Variants in GDNF observed in about 807,000 individuals in gnomAD.
GDNF encodes the protein glial cell line-derived neurotrophic factor.
In GDNF, 5 loss-of-function variants were observed where a neutral mutation model predicts 13.7. That is an observed-to-expected ratio of 0.36 (90% CI 0.19 to 0.77). The LOEUF (loss-of-function observed/expected upper bound fraction) is 0.77. GDNF is among the 30% of genes least tolerant of loss of function. The pLI is 0.51. For synonymous variants in GDNF, 122 were observed against 112.5 expected (o/e 1.08, Z -0.53); for missense variants, 246 against 274.3 (o/e 0.90, Z 0.73).
At position 37,821,308 on chromosome 5, in the gene GDNF, C is replaced by T. The variant is rs572276169; in HGVS notation, c.152-5173G>A. Among the ~76,000 whole-genome samples the T allele has an allele frequency of 3.9e-5, 6 of 152,222 alleles. No individual in the cohort carries two copies. In the East Asian group the frequency reaches 1.2e-3, roughly 29 times the overall value. ...GAGGGGTCTGGGTTTGGATTCGTTC[C>T]CTAAATTAAGACTTACTGGCGCATC... On this transcript the variant is annotated intron_variant, in intron 2 of 2. Coordinates refer to ENST00000326524, the MANE Select transcript of GDNF (RefSeq NM_000514.4).
intron 2 of GDNF, among the ~76,000 whole-genome samples, chr5:37,825,694 C>T (rs1013787727): frequency 1.3e-5 from 2 of 152,194 alleles, no homozygotes; most frequent in African/African-American, 2.4e-5. Flanking sequence ...GCCCTGCCCC[C>T]AGCCTGAGAG....
rs757008724 is a variant in GDNF at position 37,814,959 on chromosome 5, A to G, written c.*692T>C. The G allele has an allele frequency of 6.5e-6, 1 of 152,980 alleles. No homozygotes were observed. The highest frequency in any genetic ancestry group is 1.5e-5 in the Non-Finnish European group (1 of 68,642). 9.5% of individuals were successfully genotyped at this position (152,980 alleles called of 1,614,324 possible). A position where few individuals can be genotyped will look rare whatever the true frequency, so the allele number is the denominator to read the frequency against. On this transcript the variant is annotated 3_prime_UTR_variant, in exon 3 of 3. Transcript: ENST00000326524. ...AATACCTTCAGGTTTGTGTTTAATC[A>G]TGAGCACAGCCTTTTTGGTTCCTAG...
intron 2 of GDNF, among the ~76,000 whole-genome samples, chr5:37,829,207 C>G (rs1016317432): frequency 2.0e-5 from 3 of 152,218 alleles, no homozygotes; most frequent in African/African-American, 4.8e-5. Flanking sequence ...CTGTCCCTTC[C>G]CCACATCATG....
At position 37,816,127 on chromosome 5, in the gene GDNF, G is replaced by T; in HGVS notation, c.160C>A (p.Pro54Thr). 1 of 1,613,282 alleles carries T rather than the reference G, an allele frequency of 6.2e-7. No individual in the cohort carries two copies. Among genetic ancestry groups the T allele is most frequent in the Non-Finnish European group, 8.5e-7 (1 of 1,179,348 alleles). ...PFALSSDSNM[P>T]EDYPDQFDDV... is the part of the protein sequence containing the mutation. ...TCGAACTGATCAGGATAATCCTCTG[G>T]CATATTTGCTGTTCAAAAAGAAAAG... The change falls in exon 3 of 3, where the codon CCA (proline) becomes ACA (threonine). Residue 54 changes from proline (P) to threonine (T), a missense_variant. Transcript: ENST00000326524.
chr5:37,835,937 A>G (rs1750687909), intron 1 of GDNF: 2 of 496,032 alleles, frequency 4.0e-6, no homozygotes, highest in Non-Finnish European at 7.3e-6. Flanking sequence ...TCACACCCCT[A>G]CAAAGGAGGG....
intron 2 of GDNF, among the ~76,000 whole-genome samples, chr5:37,824,679 A>G (rs1750244903): frequency 6.6e-6 from 1 of 152,232 alleles, no homozygotes; most frequent in Admixed American, 6.5e-5. Flanking sequence ...TGCATCTTAC[A>G]TTATGTAATG....
intron 2 of GDNF, among the ~76,000 whole-genome samples, chr5:37,833,757 A>G (rs1750603537): frequency 6.6e-6 from 1 of 152,138 alleles, no homozygotes; most frequent in Admixed American, 6.5e-5. Context: ...GGTTGTGTGA[A>G]ATTTTCTATT....
rs1167288905 is a variant in GDNF, at chr5:37,837,315, C to T, written c.-27+2192G>A. Among the ~76,000 whole-genome samples the T allele has an allele frequency of 1.3e-5, 2 of 152,234 alleles. No homozygotes were observed. The highest frequency in any genetic ancestry group is 4.8e-5 in the African/African-American group (2 of 41,482). On this transcript the variant is annotated intron_variant, in intron 1 of 2. Coordinates refer to ENST00000326524, the MANE Select transcript of GDNF (RefSeq NM_000514.4). The surrounding 1 kb of genome is among the most constrained non-coding windows in gnomAD (Gnocchi z 6.5). ...TTTACGCGCCGCCACGTGCGAGAAC[C>T]AAGCTCTGCTCCTCAAGTGACGGGG...
chr5:37,817,306 A>G (rs72745200), intron 2 of GDNF, among the ~76,000 whole-genome samples: 6,254 of 152,318 alleles, frequency 0.041, 130 homozygotes, highest in Non-Finnish European at 0.052. Context: ...GGGGGGAAAA[A>G]CAATCCAAAC....
At chr5:37,832,152 C>T (rs1484349563) in intron 2 of GDNF, among the ~76,000 whole-genome samples, 1 of 152,190 alleles carries the variant, frequency 6.6e-6, no homozygotes, top group Non-Finnish European at 1.5e-5. Context: ...CGCAGAATGA[C>T]GTTAATGTGG....
intron 2 of GDNF, among the ~76,000 whole-genome samples, chr5:37,817,471 G>GA (rs1315896809): frequency 6.6e-6 from 1 of 152,074 alleles, no homozygotes; most frequent in Non-Finnish European, 1.5e-5. Context: ...TTAAAGCATA[G>GA]AAAGATTACA....
Position 37,815,625 on chromosome 5 carries a change from A to G in GDNF, c.*26T>C. 1 of 1,608,372 alleles carries G rather than the reference A, an allele frequency of 6.2e-7. No homozygotes were observed. The highest frequency in any genetic ancestry group is 8.5e-7 in the Non-Finnish European group (1 of 1,174,838). Reference sequence around the variant, plus strand: ...TTCTTTGCACTGTAGCAGGAATGCAATACACAGCAGTCTCTGGAGCCGGAG... The same window carrying G: ...TTCTTTGCACTGTAGCAGGAATGCAGTACACAGCAGTCTCTGGAGCCGGAG... On this transcript the variant is annotated 3_prime_UTR_variant, in exon 3 of 3. Coordinates refer to ENST00000326524, the MANE Select transcript of GDNF (RefSeq NM_000514.4). The surrounding 1 kb of genome is among the most constrained non-coding windows in gnomAD (Gnocchi z 5.0).
At chr5:37,835,551 C>T in intron 1 of GDNF, 3 of 1,475,664 alleles carry the variant, frequency 2.0e-6, no homozygotes, top group Non-Finnish European at 2.8e-6. Flanking sequence ...AAATACTCCT[C>T]CCACCTCTTA....
At chr5:37,821,673 A>G (rs1302701555) in intron 2 of GDNF, among the ~76,000 whole-genome samples, 1 of 152,188 alleles carries the variant, frequency 6.6e-6, no homozygotes, top group Non-Finnish European at 1.5e-5. Context: ...GAAACCTTGT[A>G]CCGGGGCACA....
intron 2 of GDNF, among the ~76,000 whole-genome samples, chr5:37,825,452 C>T (rs72747306): frequency 0.03 from 4,513 of 152,270 alleles, 115 homozygotes; most frequent in African/African-American, 0.065. Context: ...AATCCATGAA[C>T]ACCTGGTGTG....
At position 37,816,023 on chromosome 5, in the gene GDNF, T is replaced by G; in HGVS notation, c.264A>C (p.Arg88Ser). The change falls in exon 3 of 3, where the codon AGA becomes AGC. Residue 88 changes from arginine to serine, a missense_variant. Arg to Ser is a moderately radical substitution (Grantham distance 110, BLOSUM62 -1). Transcript: ENST00000326524. ...CTGCAGCCTGCCGATTCCGCTCTCT[T>G]CTAGGAAGCACTGCCATTTGTTTAT... The part of the protein sequence containing the change: ...SPDKQMAVLP[R>S]RERNRQAAAA... The G allele has an allele frequency of 6.2e-7, 1 of 1,613,738 alleles. No homozygotes were observed. Among genetic ancestry groups the G allele is most frequent in the Non-Finnish European group, 8.5e-7 (1 of 1,179,680 alleles).
intron 2 of GDNF, among the ~76,000 whole-genome samples, chr5:37,828,994 A>G (rs1293728501): frequency 6.6e-6 from 1 of 152,272 alleles, no homozygotes. Flanking sequence ...CCTGCAAGAC[A>G]GCTTTGAAGC....
intron 2 of GDNF, among the ~76,000 whole-genome samples, chr5:37,817,044 C>G: frequency 6.6e-6 from 1 of 152,218 alleles, no homozygotes; most frequent in East Asian, 1.9e-4. Context: ...GCAGCCCTGC[C>G]CCCAAGGGTG....
rs560077980 is a variant in GDNF, at chr5:37,815,549, T to C, written c.*102A>G. 1.7e-5 allele frequency: 18 copies of C among 1,084,462 alleles called. No homozygotes were observed. The African/African-American group carries it at 1.9e-4, about 11-fold the overall frequency. The allele number at this position is 1,084,462 out of a possible 1,614,324, so 67.2% of individuals were successfully genotyped here. On this transcript the variant is annotated 3_prime_UTR_variant, in exon 3 of 3. Transcript: ENST00000326524. This position sits in a 1 kb window ranked among gnomAD's most constrained non-coding sequence, Gnocchi z 5.0. ...TCTTCTTCCTCCTCCTCCGCCTCCT[T>C]GGTCCTCATCTTCCATTCTGGGCAA...
Sources: allele counts gnomAD v4.1 joint callset (sites outside exome capture counted in the v4.1 genomes callset), GRCh38; gene constraint gnomAD v4.1.1; non-coding constraint Gnocchi (gnomAD v3.1); transcripts MANE v1.5; gene names NCBI Gene and HGNC (gene_info 2026-07-23, HGNC 2026-07-21).